TMC6: variants seen among roughly 807,000 people sequenced by gnomAD.
TMC6 encodes the protein transmembrane channel-like protein 6.
Under a neutral mutation model 95.4 loss-of-function variants are expected in TMC6, and 71 were observed. The ratio of observed to expected loss-of-function variants is 0.74; its 90% confidence interval spans 0.61 to 0.91. The LOEUF (loss-of-function observed/expected upper bound fraction) is 0.91. TMC6 is among the 40% of genes least tolerant of loss of function. TMC6 has a pLI of 0.00. For missense variants in TMC6, 1,074 were observed against 1,079.1 expected, an observed-to-expected ratio of 1.00 and a Z score of 0.07; for synonymous variants, 514 against 483.1, an observed-to-expected ratio of 1.06 and a Z score of -0.84.
At chr17:78,125,546 A>G (rs2074664717) in intron 5 of TMC6, among the ~76,000 whole-genome samples, 180 bp downstream of exon 5, 1 of 152,116 alleles carries the variant, frequency 6.6e-6, no homozygotes, top group Non-Finnish European at 1.5e-5. Context: ...TAAGACCCCC[A>G]CTTCCCTGTC....
chr17:78,119,425 A>G lies in TMC6; in HGVS notation c.1716-33T>C, dbSNP rs777018375. 2.5e-6 allele frequency: 4 copies of G among 1,611,432 alleles called. No individual in the cohort carries two copies. The Admixed American group carries it at 6.7e-5, about 27-fold the overall frequency. On this transcript the variant is annotated intron_variant, in intron 13 of 19. Transcript: ENST00000590602. ...CGAGGACCCCGGATCGTTAGATGGG[A>G]AAGCCATGCCCAGGGAGGCCAGCCT...
intron 5 of TMC6, among the ~76,000 whole-genome samples, 182 bp downstream of exon 5, chr17:78,125,544 C>T (rs1894970012): frequency 6.6e-6 from 1 of 152,256 alleles, no homozygotes; most frequent in African/African-American, 2.4e-5. Flanking sequence ...GGTAAGACCC[C>T]CACTTCCCTG....
rs566387462 is a variant in TMC6 at position 78,107,776 on chromosome 17, G to A, written c.*5372C>T. ...TTGTCTGGGACGGCAGCAAGAAGAT[G>A]CCGGGGCTTGCCTGGAGTCCTGGCA... is the stretch of plus-strand genomic sequence containing the variant. On this transcript the variant is annotated 3_prime_UTR_variant, in exon 20 of 20. Transcript: ENST00000590602. The A allele has an allele frequency of 7.2e-5, 11 of 152,384 alleles. No homozygotes were observed. Among genetic ancestry groups the A allele is most frequent in the African/African-American group, 2.6e-4 (11 of 41,584 alleles). The allele number at this position is 152,384 out of a possible 1,614,324, so 9.4% of individuals were successfully genotyped here. A position where few individuals can be genotyped will look rare whatever the true frequency, so the allele number is the denominator to read the frequency against.
At chr17:78,113,241 C>G (rs950535766) in intron 19 of TMC6, 30 bp from the exon 20 acceptor site, 46 of 1,545,596 alleles carry the variant, frequency 3.0e-5, no homozygotes, top group Non-Finnish European at 3.8e-5. Context: ...CTGAGGGGAC[C>G]CCATAAACAT....
At chr17:78,119,204 G>A in intron 14 of TMC6, 93 bp downstream of exon 14, 1 of 1,547,318 alleles carries the variant, frequency 6.5e-7, no homozygotes, top group Non-Finnish European at 8.9e-7. Flanking sequence ...GGGCCTGGCT[G>A]TGGCCCCAGG....
At chr17:78,123,893 G>A (rs2074558379) in intron 9 of TMC6, 96 bp downstream of exon 9, 3 of 1,505,334 alleles carry the variant, frequency 2.0e-6, no homozygotes, top group Non-Finnish European at 2.8e-6. Flanking sequence ...ATGGACAGAA[G>A]GAAGAAAGGA....
intron 13 of TMC6, chr17:78,119,989 T>C: frequency 2.6e-6 from 1 of 384,260 alleles, no homozygotes; most frequent in Non-Finnish European, 5.1e-6. Context: ...TATTATTAAA[T>C]TCATATATTC....
At chr17:78,120,623 C>T (rs1260446837) in intron 13 of TMC6, 30 bp downstream of exon 13, 3 of 1,613,938 alleles carry the variant, frequency 1.9e-6, no homozygotes, top group Non-Finnish European at 2.5e-6. Flanking sequence ...GGAGAACACT[C>T]ACCACCCAGT....
At chr17:78,131,402 C>T (rs452483), upstream of TMC6, 71,457 of 772,482 alleles carry the variant, frequency 0.093, 3,569 homozygotes, top group Non-Finnish European at 0.1. Flanking sequence ...AGCGGCAGAC[C>T]CGGGCAAGTG....
At position 78,111,231 on chromosome 17, in the gene TMC6, CA is replaced by C. The variant is rs544874246; in HGVS notation, c.*1916del. ...GGGCCCCACAGCCTGGCCTGGTTGA[CA>C]CGAAAGACTGACTAGCACACACGGT... is the stretch of plus-strand genomic sequence containing the variant. On this transcript the variant is annotated 3_prime_UTR_variant, in exon 20 of 20. Transcript: ENST00000590602. 7.6e-4 allele frequency: 116 copies of C among 152,440 alleles called. No homozygotes were observed. The highest frequency in any genetic ancestry group is 2.8e-3 in the African/African-American group (115 of 41,554). The allele number at this position is 152,440 out of a possible 1,614,324, so 9.4% of individuals were successfully genotyped here.
In TMC6 at chr17:78,119,028, C is replaced by T. The variant is rs761394043; in HGVS notation, c.1830G>A (p.Ser610=). ...QTLTWLGVLF[S]PLLPAVQIIK... The stretch of plus-strand genomic sequence containing the variant: ...TGATCTGCACGGCGGGGAGGAGGGG[C>T]GAGAAGAGCACCCCCAGCCTGGGGA... The change falls in exon 15 of 20, where the codon TCG becomes TCA. Residue 610 remains serine (S), a synonymous_variant. Transcript: ENST00000590602. 4.9e-5 allele frequency: 79 copies of T among 1,600,194 alleles called. No individual in the cohort carries two copies. The Middle Eastern group carries it at 1.2e-3, about 24-fold the overall frequency.
upstream of TMC6, chr17:78,131,173 C>T (rs962547899): frequency 2.3e-5 from 7 of 309,020 alleles, no homozygotes; most frequent in African/African-American, 9.1e-5. Context: ...CTTGGGGTGA[C>T]GGTGGGCCCA....
intron 18 of TMC6, chr17:78,114,092 G>T: frequency 6.8e-6 from 2 of 295,354 alleles, no homozygotes; most frequent in South Asian, 6.2e-5. Flanking sequence ...GAAGTGAGAA[G>T]TCCAAAATGA....
At chr17:78,131,467 G>T, upstream of TMC6, 7 of 1,394,752 alleles carry the variant, frequency 5.0e-6, no homozygotes, top group Non-Finnish European at 6.8e-6. Context: ...GGGACGGAAG[G>T]GCCCGCCCCC....
At chr17:78,124,486 C>T (rs200492899) in intron 8 of TMC6, 38 bp downstream of exon 8, 3 of 1,601,716 alleles carry the variant, frequency 1.9e-6, no homozygotes, top group Non-Finnish European at 2.5e-6. Context: ...TAGCAGAAGA[C>T]AGGCACCCCC....
At chr17:78,131,877 TC>T (rs1297138292), upstream of TMC6, 11 of 1,457,930 alleles carry the variant, frequency 7.5e-6, no homozygotes, top group Non-Finnish European at 9.9e-6. Flanking sequence ...ACCACCCCCG[TC>T]CAGGCAGCTG....
chr17:78,117,843 G>A lies in TMC6; in HGVS notation c.1980C>T (p.Ala660=), dbSNP rs1019287801. ...AGAGGAAGACAGCGGCGCCCAGGAAGGCGGGGAAGCAGAGCAGCGTGAGGA... is the reference window on the plus strand; with the variant it reads ...AGAGGAAGACAGCGGCGCCCAGGAAAGCGGGGAAGCAGAGCAGCGTGAGGA... The part of the protein sequence containing the change: ...TVFLTLLCFP[A]FLGAAVFLCY... Residue 660 remains alanine (A), a synonymous_variant, in exon 16 of 20, where the codon GCC becomes GCT. Coordinates refer to ENST00000590602, the MANE Select transcript of TMC6 (RefSeq NM_001127198.5). The A allele has an allele frequency of 4.4e-6, 7 of 1,608,378 alleles. No homozygotes were observed. Among genetic ancestry groups the A allele is most frequent in the Non-Finnish European group, 5.1e-6 (6 of 1,177,652 alleles).
At chr17:78,131,588 G>C (rs2074967220), upstream of TMC6, 1 of 1,545,164 alleles carries the variant, frequency 6.5e-7, no homozygotes, top group Non-Finnish European at 8.7e-7. Context: ...TGCCCGCCGA[G>C]ATGCTGCTGC....
At chr17:78,125,336 C>CCCTGCTT in intron 5 of TMC6, 73 bp from the exon 6 acceptor site, 1 of 1,379,126 alleles carries the variant, frequency 7.3e-7, no homozygotes, top group South Asian at 1.2e-5. Context: ...GGACCCTGGT[C>CCCTGCTT]AGGCCTGTGT....
Sources: allele counts gnomAD v4.1 joint callset (sites outside exome capture counted in the v4.1 genomes callset), GRCh38; gene constraint gnomAD v4.1.1; transcripts MANE v1.5; gene names NCBI Gene and HGNC (gene_info 2026-07-23, HGNC 2026-07-21).